The following PKNOX2 variants were observed in gnomAD, a reference collection of about 807,000 sequenced individuals.
The protein encoded by PKNOX2 is PBX/knotted 1 homeobox 2.
In PKNOX2, 14 loss-of-function variants were observed where a neutral mutation model predicts 53.1. The observed-to-expected ratio is 0.26, with a 90% CI of 0.17 to 0.41. PKNOX2 has a LOEUF of 0.41. PKNOX2 is among the 10% of genes least tolerant of loss of function. The pLI, the probability that PKNOX2 is intolerant of heterozygous loss-of-function variation, is 1.00. For missense variants in PKNOX2, 496 were observed against 602.8 expected (o/e 0.82, Z 1.85); for synonymous variants, 257 against 242.8 (o/e 1.06, Z -0.54).
chr11:125,226,094 C>T (rs1941662596), intron 1 of PKNOX2, among the ~76,000 whole-genome samples: 6 of 152,214 alleles, frequency 3.9e-5, no homozygotes, highest in Admixed American at 3.9e-4. Context: ...TTTACTTGCA[C>T]AAGACACGTA....
chr11:125,280,029 A>G (rs559204687), intron 2 of PKNOX2, among the ~76,000 whole-genome samples: 2 of 151,386 alleles, frequency 1.3e-5, no homozygotes, highest in East Asian at 3.9e-4. Context: ...ACTGTTATGA[A>G]GAAATAATAT....
At chr11:125,267,020 G>A (rs1359949299) in intron 2 of PKNOX2, among the ~76,000 whole-genome samples, 1 of 152,190 alleles carries the variant, frequency 6.6e-6, no homozygotes, top group Non-Finnish European at 1.5e-5. Flanking sequence ...GACAGAGGCT[G>A]TTTAGAGGCC....
intron 5 of PKNOX2, 27 bp from the exon 6 acceptor site, chr11:125,385,524 A>G (rs1162085716): frequency 6.9e-6 from 11 of 1,588,398 alleles, no homozygotes; most frequent in Non-Finnish European, 9.4e-6. Context: ...GTGTGTGCGC[A>G]TGTGTGAGCT....
intron 5 of PKNOX2, among the ~76,000 whole-genome samples, chr11:125,378,362 C>T (rs1231519810): frequency 6.6e-6 from 1 of 152,252 alleles, no homozygotes; most frequent in African/African-American, 2.4e-5. Flanking sequence ...GTCCTGCTGG[C>T]CCATGCCTGA....
intron 7 of PKNOX2, among the ~76,000 whole-genome samples, chr11:125,406,348 C>T (rs1014928678): frequency 6.6e-5 from 10 of 152,122 alleles, no homozygotes; most frequent in Non-Finnish European, 1.5e-4. Flanking sequence ...TCCTGGGACT[C>T]GACCATTGCC....
intron 2 of PKNOX2, chr11:125,239,865 G>A (rs558561251): frequency 6.6e-6 from 1 of 152,350 alleles, no homozygotes; most frequent in East Asian, 1.9e-4. Context: ...AGTGACAGGG[G>A]CATTTAGTTG....
intron 4 of PKNOX2, among the ~76,000 whole-genome samples, chr11:125,355,855 C>T (rs1248212374): frequency 6.6e-6 from 1 of 152,188 alleles, no homozygotes; most frequent in Non-Finnish European, 1.5e-5. Context: ...CATGTACTCT[C>T]AGAAATGTCA....
intron 4 of PKNOX2, among the ~76,000 whole-genome samples, chr11:125,358,694 T>G: frequency 6.6e-6 from 1 of 152,256 alleles, no homozygotes; most frequent in East Asian, 1.9e-4. Flanking sequence ...CCGGCTCTGA[T>G]GCCGGCCCTT....
Position 125,298,219 on chromosome 11 carries a change from A to G in PKNOX2, c.-129-33600A>G, listed in dbSNP as rs191012578. Among the ~76,000 whole-genome samples the G allele has an allele frequency of 2.7e-3, 405 of 152,300 alleles. 1 individual carries two copies. The highest frequency in any genetic ancestry group is 3.1e-3 in the South Asian group (15 of 4,818). On this transcript the variant is annotated intron_variant, in intron 2 of 12. Coordinates refer to ENST00000298282, the MANE Select transcript of PKNOX2 (RefSeq NM_001382323.2). ...CCCCTGGGGCTGTGGAGGTTCAGAC[A>G]GGGGTAGATGAAGGGCCTTGCATAG... is the stretch of plus-strand genomic sequence containing the variant.
intron 2 of PKNOX2, among the ~76,000 whole-genome samples, chr11:125,298,976 T>A (rs1398400301): frequency 6.6e-6 from 1 of 151,982 alleles, no homozygotes; most frequent in African/African-American, 2.4e-5. Flanking sequence ...GCTGGGTAAT[T>A]TATAAAGAAA....
intron 2 of PKNOX2, among the ~76,000 whole-genome samples, chr11:125,237,058 GC>G (rs1942753468): frequency 6.6e-6 from 1 of 152,208 alleles, no homozygotes; most frequent in African/African-American, 2.4e-5. Flanking sequence ...CTCAGTGGGG[GC>G]AGCTCAAAAG....
intron 1 of PKNOX2, among the ~76,000 whole-genome samples, chr11:125,220,435 G>A (rs187249873): frequency 1.3e-5 from 2 of 152,344 alleles, no homozygotes; most frequent in Admixed American, 1.3e-4. Flanking sequence ...GATTTGAGAA[G>A]TCTTTTTTAG....
chr11:125,219,073 G>C (rs1357184378), intron 1 of PKNOX2, among the ~76,000 whole-genome samples: 1 of 152,152 alleles, frequency 6.6e-6, no homozygotes, highest in Non-Finnish European at 1.5e-5. Flanking sequence ...GGGGGCTGCA[G>C]CCAGTGGGAG....
intron 1 of PKNOX2, among the ~76,000 whole-genome samples, chr11:125,214,167 G>A (rs1015390549): frequency 3.9e-5 from 6 of 152,242 alleles, no homozygotes; most frequent in East Asian, 3.9e-4. Flanking sequence ...TCTACGCTGT[G>A]CCATCCCATG....
At chr11:125,315,303 G>GAAAA (rs534448203) in intron 2 of PKNOX2, among the ~76,000 whole-genome samples, 31 of 79,380 alleles carry the variant, frequency 3.9e-4, no homozygotes, top group Non-Finnish European at 4.9e-4. Flanking sequence ...TGTGAAGCAG[G>GAAAA]AAAAAAAAAA....
At chr11:125,173,461 C>T (rs1955470470) in intron 1 of PKNOX2, among the ~76,000 whole-genome samples, 1 of 152,180 alleles carries the variant, frequency 6.6e-6, no homozygotes, top group Non-Finnish European at 1.5e-5. Flanking sequence ...CTTTAGCCTT[C>T]TGGAGACAAC....
intron 2 of PKNOX2, among the ~76,000 whole-genome samples, chr11:125,262,828 C>T (rs1944973902): frequency 1.3e-5 from 2 of 152,174 alleles, no homozygotes; most frequent in Admixed American, 6.5e-5. Context: ...TTCCCTCTCC[C>T]ATGCGTTCCC....
intron 2 of PKNOX2, among the ~76,000 whole-genome samples, chr11:125,330,087 G>C (rs914824052): frequency 9.9e-5 from 15 of 151,852 alleles, no homozygotes; most frequent in African/African-American, 3.4e-4. Context: ...GCGCTGTGGG[G>C]CCGATGGTGG....
intron 1 of PKNOX2, among the ~76,000 whole-genome samples, chr11:125,185,615 T>C (rs1956405006): frequency 6.6e-6 from 1 of 152,236 alleles, no homozygotes; most frequent in African/African-American, 2.4e-5. Flanking sequence ...TTATTTGTCC[T>C]TTTGTGTATG....
Sources: allele counts gnomAD v4.1 joint callset (sites outside exome capture counted in the v4.1 genomes callset), GRCh38; gene constraint gnomAD v4.1.1; transcripts MANE v1.5; gene names NCBI Gene and HGNC (gene_info 2026-07-23, HGNC 2026-07-21).